Variants in ANO4 observed in about 807,000 individuals in gnomAD.
The protein encoded by ANO4 is anoctamin-4.
Under a neutral mutation model 141.9 loss-of-function variants are expected in ANO4, and 69 were observed. The ratio of observed to expected loss-of-function variants is 0.49; its 90% CI spans 0.40 to 0.59. The LOEUF (loss-of-function observed/expected upper bound fraction) is 0.59, where lower values mean the gene tolerates loss of function less well. Among genes scored for constraint, ANO4 ranks in the 20% least tolerant of loss-of-function variants. The pLI, the probability that ANO4 is intolerant of heterozygous loss-of-function variation, is 0.00. For synonymous variants in ANO4, 350 were observed against 394.3 expected (o/e 0.89, Z 1.33); for missense variants, 894 against 1,162.2 (o/e 0.77, Z 3.36).
intron 1 of ANO4, among the ~76,000 whole-genome samples, chr12:100,890,713 A>G (rs968296532): frequency 6.6e-6 from 1 of 152,142 alleles, no homozygotes; most frequent in African/African-American, 2.4e-5. Flanking sequence ...CTGCCCCTAC[A>G]TGTGCATAGC....
chr12:100,922,289 G>A lies in ANO4; in HGVS notation c.119G>A (p.Ser40Asn). ...CAAATACTACCTGACGGGCCAAAGA[G>A]TGATGTGGACTTTTCAGAGATTCTT... ...DMQILPDGPKSDVDFSEILNA... is the reference protein window; with the variant it reads ...DMQILPDGPKNDVDFSEILNA... Residue 40 changes from serine to asparagine, a missense_variant, in exon 3 of 28, where the codon AGT (serine) becomes AAT (asparagine). Physicochemically the swap from Ser to Asn is conservative, Grantham distance 46. Transcript: ENST00000392977. 1.3e-6 allele frequency: 2 copies of A among 1,533,378 alleles called. No individual in the cohort carries two copies. The highest frequency in any genetic ancestry group is 1.7e-6 in the Non-Finnish European group (2 of 1,145,978). 95.0% of individuals were successfully genotyped at this position (1,533,378 alleles called of 1,614,324 possible).
intron 5 of ANO4, among the ~76,000 whole-genome samples, chr12:100,966,345 A>G (rs1350044068): frequency 6.6e-6 from 1 of 152,040 alleles, no homozygotes; most frequent in African/African-American, 2.4e-5. Flanking sequence ...ACATTTGAAC[A>G]AACTGAGGCA....
intron 15 of ANO4, among the ~76,000 whole-genome samples, chr12:101,079,918 T>C (rs2049178273): frequency 1.3e-5 from 2 of 152,148 alleles, no homozygotes; most frequent in East Asian, 3.9e-4. Flanking sequence ...TTGCCCCTAT[T>C]CCTGTCGGAA....
chr12:100,779,310 C>T (rs1441792884), intron 3 of ANO4, among the ~76,000 whole-genome samples: 1 of 152,176 alleles, frequency 6.6e-6, no homozygotes, highest in Non-Finnish European at 1.5e-5. Flanking sequence ...AGATTGATTC[C>T]AGCTTCTTCT....
intron 1 of ANO4, among the ~76,000 whole-genome samples, chr12:100,842,892 A>C (rs1034990979): frequency 5.3e-5 from 8 of 152,134 alleles, no homozygotes; most frequent in Admixed American, 5.2e-4. Flanking sequence ...AAGTTTCAAC[A>C]AGACTTTTGG....
At chr12:101,050,964 C>T (rs2047841610) in intron 14 of ANO4, among the ~76,000 whole-genome samples, 2 of 152,322 alleles carry the variant, frequency 1.3e-5, no homozygotes, top group South Asian at 2.1e-4. Context: ...AGAATTAAAA[C>T]ACAAAACTTC....
At chr12:100,777,576 T>G (rs7489046) in intron 3 of ANO4, among the ~76,000 whole-genome samples, 48,421 of 151,824 alleles carry the variant, frequency 0.32, 8,578 homozygotes, top group East Asian at 0.52. Context: ...TTTTATAGAT[T>G]CCATTAGTTA....
At position 100,940,952 on chromosome 12, in the gene ANO4, T is replaced by G. The variant is rs900792912; in HGVS notation, c.298-1425T>G. ...ACTGCAAAATAATATTTGTAACTTCTATGTAAGTTACAAAGTATGATAATA... is the reference window on the plus strand; with the variant it reads ...ACTGCAAAATAATATTTGTAACTTCGATGTAAGTTACAAAGTATGATAATA... On this transcript the variant is annotated intron_variant, in intron 4 of 27. Coordinates refer to ENST00000392977, the MANE Select transcript of ANO4 (RefSeq NM_001286615.2). Among the ~76,000 whole-genome samples, 4 of 152,338 alleles carry G rather than the reference T, an allele frequency of 2.6e-5. No individual in the cohort carries two copies. In the East Asian group the frequency reaches 7.7e-4, roughly 29 times the overall value.
At chr12:100,803,315 C>T (rs1259565918) in intron 1 of ANO4, among the ~76,000 whole-genome samples, 2 of 152,082 alleles carry the variant, frequency 1.3e-5, no homozygotes, top group African/African-American at 2.4e-5. Context: ...AAAAATTGAG[C>T]AAGGAATTTC....
At chr12:100,775,221 A>G (rs2135562519) in intron 3 of ANO4, among the ~76,000 whole-genome samples, 1 of 152,344 alleles carries the variant, frequency 6.6e-6, no homozygotes, top group East Asian at 1.9e-4. Flanking sequence ...TCTTTCAAAC[A>G]TACAGAAAAT....
At chr12:100,876,278 CAAAAA>C (rs79799106) in intron 1 of ANO4, among the ~76,000 whole-genome samples, 1,490 of 91,966 alleles carry the variant, frequency 0.016, 41 homozygotes, top group African/African-American at 0.056. Flanking sequence ...ATATAAAGAC[CAAAAA>C]AAAAAAAAAA....
intron 7 of ANO4, among the ~76,000 whole-genome samples, chr12:100,981,311 G>T (rs926891347): frequency 5.3e-5 from 8 of 152,170 alleles, no homozygotes; most frequent in Non-Finnish European, 1.2e-4. Context: ...GCAGAGGCTT[G>T]TAAATCTGGA....
intron 1 of ANO4, among the ~76,000 whole-genome samples, chr12:100,721,717 T>C (rs115210971): frequency 0.017 from 2,517 of 152,214 alleles, 65 homozygotes; most frequent in African/African-American, 0.057. Context: ...CTCACTCTGT[T>C]GCCCAGGCTG....
At chr12:100,906,006 GAGAA>G (rs1464955316) in intron 2 of ANO4, among the ~76,000 whole-genome samples, 1 of 152,158 alleles carries the variant, frequency 6.6e-6, no homozygotes, top group African/African-American at 2.4e-5. Context: ...GAAAGAGAGA[GAGAA>G]AGAAAGATAT....
intron 7 of ANO4, among the ~76,000 whole-genome samples, chr12:100,975,946 A>AC (rs1255594574): frequency 5.7e-5 from 2 of 35,120 alleles, no homozygotes; most frequent in East Asian, 2.8e-3. Flanking sequence ...AAAAAAAAAG[A>AC]AAAAAAAAAC....
intron 2 of ANO4, among the ~76,000 whole-genome samples, chr12:100,916,861 T>C (rs1033398773): frequency 6.6e-6 from 1 of 152,142 alleles, no homozygotes; most frequent in Non-Finnish European, 1.5e-5. Context: ...TGTTTGAAAC[T>C]CATTTTTTTG....
At chr12:100,868,940 C>G (rs916498352) in intron 1 of ANO4, among the ~76,000 whole-genome samples, 5 of 152,218 alleles carry the variant, frequency 3.3e-5, no homozygotes, top group African/African-American at 7.2e-5. Flanking sequence ...TCAGGCCATA[C>G]AGAAACAGAC....
chr12:100,911,724 C>G (rs955747486), intron 2 of ANO4, among the ~76,000 whole-genome samples: 1 of 151,940 alleles, frequency 6.6e-6, no homozygotes, highest in African/African-American at 2.4e-5. Context: ...AAGAGCAGTA[C>G]CAGAAGATGT....
At chr12:100,951,993 T>TG (rs1179388417) in intron 5 of ANO4, among the ~76,000 whole-genome samples, 2 of 152,062 alleles carry the variant, frequency 1.3e-5, no homozygotes, top group Non-Finnish European at 2.9e-5. Context: ...TGTCCTGGTG[T>TG]GGGGGGAGGG....
Sources: allele counts gnomAD v4.1 joint callset (sites outside exome capture counted in the v4.1 genomes callset), GRCh38; gene constraint gnomAD v4.1.1; transcripts MANE v1.5; gene names NCBI Gene and HGNC (gene_info 2026-07-23, HGNC 2026-07-21).